ADGRF5: variants seen among roughly 807,000 people sequenced by gnomAD.
ADGRF5 encodes the protein adhesion G protein-coupled receptor F5.
A neutral mutation model predicts 132.3 loss-of-function variants in ADGRF5; 75 were observed. The observed-to-expected ratio is 0.57, with a 90% CI of 0.47 to 0.69. The LOEUF (loss-of-function observed/expected upper bound fraction) is 0.69. Ranked by LOEUF, ADGRF5 falls within the 30% of genes least tolerant of loss-of-function variation. The pLI, the probability that ADGRF5 is intolerant of heterozygous loss-of-function variation, is 0.00. For synonymous variants in ADGRF5, 629 were observed against 597.6 expected, an observed-to-expected ratio of 1.05 and a Z score of -0.77; for missense variants, 1,516 against 1,630.6, an observed-to-expected ratio of 0.93 and a Z score of 1.21.
intron 16 of ADGRF5, 90 bp downstream of exon 16, chr6:46,860,625 G>T (rs1409214709): frequency 2.3e-6 from 2 of 876,726 alleles, no homozygotes; most frequent in East Asian, 2.4e-5. Context: ...CAGAGAAGCT[G>T]CAATGGGGAG....
chr6:46,893,423 G>T (rs993112693), intron 3 of ADGRF5, among the ~76,000 whole-genome samples: 8 of 152,168 alleles, frequency 5.3e-5, no homozygotes, highest in African/African-American at 1.4e-4. Flanking sequence ...GAGCAGCTTA[G>T]ATGCTCAGCG....
chr6:46,866,249 T>C (rs1770418866), intron 13 of ADGRF5, among the ~76,000 whole-genome samples: 1 of 152,196 alleles, frequency 6.6e-6, no homozygotes, highest in Non-Finnish European at 1.5e-5. Flanking sequence ...GGAAACCTTT[T>C]GTCCACCCAG....
chr6:46,871,568 C>G (rs572370707), intron 11 of ADGRF5, among the ~76,000 whole-genome samples: 1 of 152,252 alleles, frequency 6.6e-6, no homozygotes, highest in African/African-American at 2.4e-5. Context: ...ACTTCCCACT[C>G]CACCTCCTGC....
intron 2 of ADGRF5, among the ~76,000 whole-genome samples, chr6:46,904,253 G>A (rs975073637): frequency 6.6e-6 from 1 of 152,136 alleles, no homozygotes; most frequent in African/African-American, 2.4e-5. Flanking sequence ...GTATATTCAC[G>A]TTCATAGGCA....
In ADGRF5 at chr6:46,877,306, T is replaced by TTTCC. The variant is rs1554200509; in HGVS notation, c.1240+892_1240+895dup. 8.8e-4 allele frequency among the ~76,000 whole-genome samples: 68 copies of TTTCC among 77,174 alleles called. 2 individuals are homozygous for TTTCC. Among genetic ancestry groups the TTTCC allele is most frequent in the African/African-American group, 1.8e-3 (31 of 17,688 alleles). 50.6% of individuals were successfully genotyped at this position (77,174 alleles called of 152,430 possible). ...TTCTTTCTTTCTCTCTCTCTCTCTC[T>TTTCC]TTCCTTCCTTCCTTCCTTCTTTCTT... On this transcript the variant is annotated intron_variant, in intron 10 of 20. Transcript: ENST00000283296.
chr6:46,883,982 T>C, intron 5 of ADGRF5, 113 bp downstream of exon 5: 1 of 883,736 alleles, frequency 1.1e-6, no homozygotes, highest in Non-Finnish European at 1.8e-6. Context: ...CCACAGGTGA[T>C]CCATCCACAT....
intron 2 of ADGRF5, among the ~76,000 whole-genome samples, chr6:46,901,478 A>G (rs1323682491): frequency 4.6e-5 from 7 of 152,200 alleles, no homozygotes; most frequent in Admixed American, 4.6e-4. Flanking sequence ...ACTATTTTCT[A>G]GTTATCTCAC....
intron 14 of ADGRF5, among the ~76,000 whole-genome samples, chr6:46,864,241 G>A (rs1770113904): frequency 6.6e-6 from 1 of 152,164 alleles, no homozygotes; most frequent in Admixed American, 6.5e-5. Flanking sequence ...GCATAGCAAT[G>A]ACTCTGTAAA....
chr6:46,889,250 G>T (rs112509112), intron 3 of ADGRF5, among the ~76,000 whole-genome samples: 117 of 144,458 alleles, frequency 8.1e-4, no homozygotes, highest in African/African-American at 2.9e-3. Flanking sequence ...TCTCTATATA[G>T]AATTATATAT....
At chr6:46,856,580 G>A (rs1244441011) in intron 19 of ADGRF5, 138 bp downstream of exon 19, 16 of 635,500 alleles carry the variant, frequency 2.5e-5, no homozygotes, top group Admixed American at 1.2e-4. Context: ...GCTGTTGAGG[G>A]AGACAGGTTT....
rs1252749175 is a variant in ADGRF5 at position 46,860,762 on chromosome 6, C to T, written c.2332G>A (p.Asp778Asn). The T allele has an allele frequency of 6.2e-7, 1 of 1,613,788 alleles. No homozygotes were observed. The highest frequency in any genetic ancestry group is 1.3e-5 in the African/African-American group (1 of 74,914). The change falls in exon 16 of 21, where the codon GAT (aspartate) becomes AAT (asparagine). Residue 778 changes from aspartate (D) to asparagine (N), a missense_variant. By Grantham distance (23) the Asp-to-Asn change is conservative (BLOSUM62 1). Around this residue, in one of 2 missense-constraint regions of ADGRF5, gnomAD observed 571 missense variants for 701.2 expected, o/e 0.81. Transcript: ENST00000283296. Reference sequence around the variant, plus strand: ...TGGGTTGGAACTGTTGAGAGCAGATCAAGGATGTTAATAATGGCTCCCAGA... The same window carrying T: ...TGGGTTGGAACTGTTGAGAGCAGATTAAGGATGTTAATAATGGCTCCCAGA... ...GSLGAIINIL[D>N]LLSTVPTQVN...
chr6:46,909,591 T>C (rs563763942), intron 1 of ADGRF5, among the ~76,000 whole-genome samples: 10 of 152,240 alleles, frequency 6.6e-5, no homozygotes, highest in Non-Finnish European at 1.5e-4. Flanking sequence ...CTGGGTTCCC[T>C]GAAGCCACCA....
chr6:46,884,308 G>A (rs369786237), intron 4 of ADGRF5, 37 bp from the exon 5 acceptor site: 101 of 1,538,396 alleles, frequency 6.6e-5, no homozygotes, highest in Non-Finnish European at 8.4e-5. Context: ...AGAGAAGGTG[G>A]AGAAGGTGGT....
intron 3 of ADGRF5, among the ~76,000 whole-genome samples, chr6:46,891,944 C>T (rs901806599): frequency 6.6e-6 from 1 of 152,194 alleles, no homozygotes; most frequent in Non-Finnish European, 1.5e-5. Flanking sequence ...GAATCACCCT[C>T]AGCCTGAGCG....
intron 1 of ADGRF5, among the ~76,000 whole-genome samples, chr6:46,953,424 C>A (rs919047001): frequency 6.6e-5 from 10 of 151,802 alleles, no homozygotes; most frequent in African/African-American, 2.4e-4. Context: ...GAGTTCGAGA[C>A]CAGCCTGGGC....
Position 46,939,154 on chromosome 6 carries a change from G to A in ADGRF5, c.-25+15580C>T, listed in dbSNP as rs560161950. On this transcript the variant is annotated intron_variant, in intron 1 of 20. Coordinates refer to the ADGRF5 transcript ENST00000265417. ...CAAGTTGCTGGGATTACAGGCGTGA[G>A]CCACCACGCCCAGCCTTTTCTGATT... Among the ~76,000 whole-genome samples the A allele has an allele frequency of 1.6e-3, 238 of 152,326 alleles. 1 individual carries two copies. Among genetic ancestry groups the A allele is most frequent in the African/African-American group, 5.6e-3 (231 of 41,568 alleles).
At chr6:46,917,922 A>C (rs1776569315) in intron 1 of ADGRF5, among the ~76,000 whole-genome samples, 1 of 152,216 alleles carries the variant, frequency 6.6e-6, no homozygotes. Context: ...CAATCAAAAA[A>C]ATTGTTTGTT....
Position 46,881,524 on chromosome 6 carries a change from C to T in ADGRF5, c.745G>A (p.Glu249Lys), listed in dbSNP as rs1380746497. 2 of 1,613,306 alleles carry T rather than the reference C, an allele frequency of 1.2e-6. No homozygotes were observed. Among genetic ancestry groups the T allele is most frequent in the African/African-American group, 1.3e-5 (1 of 74,940 alleles). Residue 249 changes from glutamate to lysine, a missense_variant, in exon 8 of 21, where the codon GAA becomes AAA. Around this residue, in one of 2 missense-constraint regions of ADGRF5, gnomAD observed 945 missense variants for 929.4 expected, o/e 1.02. Transcript: ENST00000283296. ...PSLELIHKAN[E>K]QVVQSLNQTY... ...TGATTGAGGCTCTGTACAACTTGTT[C>T]ATTGGCTTTATGTATTAACTCAAGT...
intron 1 of ADGRF5, among the ~76,000 whole-genome samples, chr6:46,943,899 T>C (rs1314611048): frequency 6.6e-6 from 1 of 152,186 alleles, no homozygotes; most frequent in African/African-American, 2.4e-5. Context: ...AAGGGTACAA[T>C]TCAGCGGGAA....
Sources: allele counts gnomAD v4.1 joint callset (sites outside exome capture counted in the v4.1 genomes callset), GRCh38; gene constraint gnomAD v4.1.1; regional missense constraint gnomAD v4.1.1; transcripts MANE v1.5; gene names NCBI Gene and HGNC (gene_info 2026-07-23, HGNC 2026-07-21).